Variants in LMCD1 observed in about 807,000 individuals in gnomAD.
The protein encoded by LMCD1 is LIM and cysteine rich domains 1, also known as LIM and cysteine-rich domains protein 1.
Under a neutral mutation model 42.7 loss-of-function variants are expected in LMCD1, and 32 were observed. That is an observed-to-expected ratio of 0.75 (90% confidence interval 0.57 to 1.01). The LOEUF is 1.01. LMCD1 is among the 50% of genes least tolerant of loss of function. LMCD1 has a pLI of 0.00. For synonymous variants in LMCD1, 178 were observed against 184.9 expected, an observed-to-expected ratio of 0.96 and a Z score of 0.30; for missense variants, 458 against 483.1, an observed-to-expected ratio of 0.95 and a Z score of 0.49.
At chr3:8,522,590 C>T (rs1694226329) in intron 1 of LMCD1, among the ~76,000 whole-genome samples, 1 of 152,172 alleles carries the variant, frequency 6.6e-6, no homozygotes, top group South Asian at 2.1e-4. Flanking sequence ...ACATGCTCCA[C>T]CTTGGCAGGT....
intron 1 of LMCD1, among the ~76,000 whole-genome samples, chr3:8,502,366 A>ATATATG (rs1693766015): frequency 1.1e-5 from 1 of 91,630 alleles, no homozygotes; most frequent in East Asian, 2.9e-4. Flanking sequence ...TATATATTAT[A>ATATATG]TAAAATATAT....
chr3:8,504,446 A>T (rs920642256), intron 1 of LMCD1, among the ~76,000 whole-genome samples: 5 of 152,270 alleles, frequency 3.3e-5, no homozygotes, highest in Non-Finnish European at 7.3e-5. Context: ...GAAATGGTTT[A>T]AAATGGCATA....
chr3:8,561,468 G>C (rs2125039527), intron 4 of LMCD1, among the ~76,000 whole-genome samples: 1 of 152,176 alleles, frequency 6.6e-6, no homozygotes. Context: ...CACTGAATTG[G>C]AGGGCAAATG....
At chr3:8,530,863 T>G (rs750246147) in intron 1 of LMCD1, among the ~76,000 whole-genome samples, 6 of 152,208 alleles carry the variant, frequency 3.9e-5, no homozygotes, top group African/African-American at 7.2e-5. Context: ...GTTGTCTTAA[T>G]TTTCACTTTT....
chr3:8,530,694 C>T (rs754609822), intron 1 of LMCD1, among the ~76,000 whole-genome samples: 2 of 152,110 alleles, frequency 1.3e-5, no homozygotes, highest in Non-Finnish European at 2.9e-5. Context: ...TGAGTGACTC[C>T]AATATTAAGT....
intron 4 of LMCD1, chr3:8,549,993 C>T: frequency 6.8e-7 from 1 of 1,480,440 alleles, no homozygotes; most frequent in South Asian, 1.2e-5. Flanking sequence ...CCTCTCAATA[C>T]TGCCATGCAG....
At position 8,573,602 on chromosome 3, in the gene LMCD1, T is replaced by C. The variant is rs1010138918; in HGVS notation, c.*6004T>C. 3 of 152,242 alleles carry C rather than the reference T, an allele frequency of 2.0e-5. No homozygotes were observed. Among genetic ancestry groups the C allele is most frequent in the African/African-American group, 7.2e-5 (3 of 41,462 alleles). 9.4% of individuals were successfully genotyped at this position (152,242 alleles called of 1,614,324 possible). ...TCTGCCAAGAATGGGGATGACGCTGTTGAAGGAAGAAATGTGTTTTCTCCT... is the reference window on the plus strand; with the variant it reads ...TCTGCCAAGAATGGGGATGACGCTGCTGAAGGAAGAAATGTGTTTTCTCCT... On this transcript the variant is annotated 3_prime_UTR_variant, in exon 6 of 6. Coordinates refer to ENST00000157600, the MANE Select transcript of LMCD1 (RefSeq NM_014583.4).
At chr3:8,565,801 T>C (rs1412816526) in intron 5 of LMCD1, among the ~76,000 whole-genome samples, 154 bp downstream of exon 5, 1 of 152,218 alleles carries the variant, frequency 6.6e-6, no homozygotes, top group African/African-American at 2.4e-5. Flanking sequence ...ACCTTCATTT[T>C]CTCATCTGCA....
intron 1 of LMCD1, among the ~76,000 whole-genome samples, chr3:8,531,235 A>C (rs138824797): frequency 3.9e-5 from 6 of 152,160 alleles, no homozygotes; most frequent in Non-Finnish European, 8.8e-5. Context: ...TGCATACCCT[A>C]CTCATCATGC....
At chr3:8,552,913 TG>T (rs1405367713) in intron 4 of LMCD1, among the ~76,000 whole-genome samples, 1 of 152,124 alleles carries the variant, frequency 6.6e-6, no homozygotes, top group African/African-American at 2.4e-5. Flanking sequence ...TTAGTAGAGA[TG>T]GGGTTTCATC....
At chr3:8,565,694 T>C in intron 5 of LMCD1, 47 bp downstream of exon 5, 1 of 1,517,350 alleles carries the variant, frequency 6.6e-7, no homozygotes, top group East Asian at 2.5e-5. Context: ...GGGACACTGC[T>C]GAGGGTAAAA....
intron 3 of LMCD1, among the ~76,000 whole-genome samples, chr3:8,548,153 G>A (rs926782337): frequency 2.6e-5 from 4 of 152,166 alleles, no homozygotes; most frequent in South Asian, 2.1e-4. Flanking sequence ...CTGAAATGCC[G>A]TCATGTAGCA....
rs780276516 is a variant in LMCD1 at position 8,548,648 on chromosome 3, G to A, written c.468G>A (p.Gln156=). Residue 156 remains glutamine, a synonymous_variant, in exon 4 of 6, where the codon CAG becomes CAA. Coordinates refer to ENST00000157600, the MANE Select transcript of LMCD1 (RefSeq NM_014583.4). ...AGGGTGCCTTTTACCGCCGCCGCCA[G>A]CTCATGCACCAGCTCCCCATCTATG... is the stretch of plus-strand genomic sequence containing the variant. ...GTEGAFYRRR[Q]LMHQLPIYDQ... 27 of 1,614,086 alleles carry A rather than the reference G, an allele frequency of 1.7e-5. No homozygotes were observed. The highest frequency in any genetic ancestry group is 2.2e-5 in the Non-Finnish European group (26 of 1,180,048).
Position 8,537,428 on chromosome 3 carries a change from C to T in LMCD1, c.375C>T (p.Val125=), listed in dbSNP as rs756130790. ...CCTACGAGTGGGCTCCCCCTGGAGT[C>T]ACCCAGAAACTGGTAAGAGAGCTTC... The part of the protein sequence containing the change: ...TITYEWAPPG[V]TQKLGLQYME... Residue 125 remains valine, a synonymous_variant, in exon 3 of 6, where the codon GTC becomes GTT. Coordinates refer to ENST00000157600, the MANE Select transcript of LMCD1 (RefSeq NM_014583.4). The T allele has an allele frequency of 3.2e-6, 5 of 1,579,660 alleles. No homozygotes were observed. Among genetic ancestry groups the T allele is most frequent in the Non-Finnish European group, 3.4e-6 (4 of 1,159,568 alleles).
Position 8,537,190 on chromosome 3 carries a change from T to C in LMCD1, c.137T>C (p.Ile46Thr), listed in dbSNP as rs182272923. The C allele has an allele frequency of 3.9e-4, 635 of 1,613,154 alleles. 9 individuals are homozygous for C. In the East Asian group the frequency reaches 0.014, roughly 35 times the overall value. ...SGFEPHSWRKICKSCKCSQED... is the reference protein window; with the variant it reads ...SGFEPHSWRKTCKSCKCSQED... The stretch of plus-strand genomic sequence containing the variant: ...CCCCATCCACCCACCCCCAGGAAAA[T>C]ATGCAAGTCTTGCAAATGCAGCCAA... The change falls in exon 3 of 6, where the codon ATA (isoleucine) becomes ACA (threonine). Residue 46 changes from isoleucine (I) to threonine (T), a missense_variant. By Grantham distance (89) the Ile-to-Thr change is moderately conservative. Coordinates refer to ENST00000157600, the MANE Select transcript of LMCD1 (RefSeq NM_014583.4).
intron 4 of LMCD1, among the ~76,000 whole-genome samples, chr3:8,554,759 G>A (rs898956099): frequency 9.2e-5 from 14 of 152,156 alleles, no homozygotes; most frequent in East Asian, 3.9e-4. Flanking sequence ...ATTGCCTTGC[G>A]TTTAGAGAGC....
At chr3:8,534,394 T>G (rs1293395674) in intron 2 of LMCD1, among the ~76,000 whole-genome samples, 1 of 152,170 alleles carries the variant, frequency 6.6e-6, no homozygotes, top group East Asian at 1.9e-4. Context: ...ATTGTTTTAA[T>G]CCCTCCATTT....
intron 3 of LMCD1, among the ~76,000 whole-genome samples, chr3:8,541,702 C>T (rs1009240404): frequency 8.5e-5 from 13 of 152,182 alleles, no homozygotes; most frequent in African/African-American, 3.1e-4. Flanking sequence ...GATAACATGA[C>T]GTAGTCGGGT....
chr3:8,509,375 G>T (rs1471343633), intron 1 of LMCD1, among the ~76,000 whole-genome samples: 1 of 152,138 alleles, frequency 6.6e-6, no homozygotes, highest in African/African-American at 2.4e-5. Flanking sequence ...AATTCGTCTT[G>T]GGTGTTTGGT....
Sources: allele counts gnomAD v4.1 joint callset (sites outside exome capture counted in the v4.1 genomes callset), GRCh38; gene constraint gnomAD v4.1.1; transcripts MANE v1.5; gene names NCBI Gene and HGNC (gene_info 2026-07-23, HGNC 2026-07-21).